PCLO: variants seen among roughly 807,000 people sequenced by gnomAD.
PCLO encodes the protein protein piccolo.
In PCLO, 82 loss-of-function variants were observed where a neutral mutation model predicts 427.5. That is an observed-to-expected ratio of 0.19 (90% CI 0.16 to 0.23). The LOEUF is 0.23. Ranked by LOEUF, PCLO falls within the 10% of genes least tolerant of loss-of-function variation. The pLI is 1.00. For synonymous variants in PCLO, 2,357 were observed against 2,155.4 expected (o/e 1.09, Z -2.59); for missense variants, 6,239 against 6,115.9 (o/e 1.02, Z -0.67).
chr7:83,047,682 T>G (rs1460096895), intron 3 of PCLO, among the ~76,000 whole-genome samples: 4 of 152,058 alleles, frequency 2.6e-5, no homozygotes, highest in Non-Finnish European at 5.9e-5. Flanking sequence ...CTTTATTAAA[T>G]TCATAAACAT....
intron 10 of PCLO, 67 bp downstream of exon 10, chr7:82,879,270 A>G (rs755144701): frequency 1.1e-4 from 151 of 1,342,366 alleles, no homozygotes; most frequent in Non-Finnish European, 1.4e-4. Context: ...ACATTTGCAT[A>G]TTAAATTAAA....
In PCLO at chr7:83,135,295, T is replaced by C. The variant is rs1242222853; in HGVS notation, c.2255A>G (p.Asp752Gly). 3 of 1,613,946 alleles carry C rather than the reference T, an allele frequency of 1.9e-6. No individual in the cohort carries two copies. Among genetic ancestry groups the C allele is most frequent in the East Asian group, 2.2e-5 (1 of 44,866 alleles). ...SEQDKAPVAD[D>G]KPKQPKMVKP... ...TACCATCTTGGGCTGCTTTGGTTTA[T>C]CATCAGCAACAGGGGCCTTGTCCTG... The change falls in exon 3 of 25, where the codon GAT becomes GGT. Residue 752 changes from aspartate (D) to glycine (G), a missense_variant. This residue lies in a region of PCLO where 4,677 missense variants were observed against 4,468.4 expected (regional missense o/e 1.05). Transcript: ENST00000333891.
chr7:82,968,801 G>C (rs1795838379), intron 3 of PCLO, among the ~76,000 whole-genome samples: 1 of 152,084 alleles, frequency 6.6e-6, no homozygotes, highest in Non-Finnish European at 1.5e-5. Flanking sequence ...TTACAGGCAT[G>C]AGCCACTGCG....
chr7:82,846,974 G>C (rs1471213767), intron 11 of PCLO, among the ~76,000 whole-genome samples, 165 bp downstream of exon 11: 1 of 152,114 alleles, frequency 6.6e-6, no homozygotes, highest in Non-Finnish European at 1.5e-5. Context: ...GACACAATCA[G>C]AAACTAAGTT....
intron 3 of PCLO, among the ~76,000 whole-genome samples, chr7:82,968,726 C>T (rs575123112): frequency 1.3e-5 from 2 of 151,896 alleles, no homozygotes; most frequent in South Asian, 4.1e-4. Flanking sequence ...CACCATGTTA[C>T]CTAGGATTGG....
chr7:83,034,607 T>A (rs1372512183), intron 3 of PCLO, among the ~76,000 whole-genome samples: 2 of 152,260 alleles, frequency 1.3e-5, no homozygotes, highest in Non-Finnish European at 2.9e-5. Flanking sequence ...CAAGGACTGC[T>A]TCTTCTAGCC....
intron 22 of PCLO, among the ~76,000 whole-genome samples, chr7:82,775,282 A>C (rs1282151552): frequency 6.6e-6 from 1 of 152,202 alleles, no homozygotes; most frequent in Non-Finnish European, 1.5e-5. Flanking sequence ...TCATATAGTA[A>C]GAGCATATTT....
intron 3 of PCLO, among the ~76,000 whole-genome samples, chr7:82,969,321 A>G (rs1417377945): frequency 3.3e-5 from 5 of 152,164 alleles, no homozygotes; most frequent in Admixed American, 3.3e-4. Context: ...GGTGATAACC[A>G]TTAAACTACT....
intron 3 of PCLO, among the ~76,000 whole-genome samples, chr7:83,099,029 T>C (rs1005194626): frequency 6.6e-6 from 1 of 152,004 alleles, no homozygotes; most frequent in East Asian, 1.9e-4. Flanking sequence ...GAAATACATC[T>C]GTAGGGTTAG....
chr7:82,964,491 A>G (rs1052501783), intron 4 of PCLO, among the ~76,000 whole-genome samples: 7 of 152,034 alleles, frequency 4.6e-5, no homozygotes, highest in African/African-American at 1.2e-4. Context: ...TGTAGCTCCC[A>G]TAGGAGGAAC....
intron 20 of PCLO, chr7:82,821,097 G>A: frequency 2.8e-6 from 3 of 1,070,646 alleles, no homozygotes. Flanking sequence ...CTTTGAACAG[G>A]GCCTTTCTGC....
At chr7:83,093,492 A>ATTTTTTTTT (rs1169852004) in intron 3 of PCLO, among the ~76,000 whole-genome samples, 21 of 59,310 alleles carry the variant, frequency 3.5e-4, no homozygotes, top group Non-Finnish European at 6.5e-4. Context: ...ATATATATAT[A>ATTTTTTTTT]TTTTTTTTTT....
chr7:83,031,640 T>C (rs1045900926), intron 3 of PCLO, among the ~76,000 whole-genome samples: 6 of 152,100 alleles, frequency 3.9e-5, no homozygotes, highest in East Asian at 1.9e-4. Context: ...CCTGTAATGA[T>C]TGACTTTCTT....
At chr7:82,828,717 T>C (rs1792013944) in intron 16 of PCLO, among the ~76,000 whole-genome samples, 1 of 152,154 alleles carries the variant, frequency 6.6e-6, no homozygotes, top group East Asian at 1.9e-4. Flanking sequence ...GCAGAACATC[T>C]ATAGCTGGCA....
chr7:83,099,708 T>G (rs12531277), intron 3 of PCLO, among the ~76,000 whole-genome samples: 69,794 of 151,964 alleles, frequency 0.46, 16,447 homozygotes, highest in East Asian at 0.71. Context: ...AGTAGATTTT[T>G]TAAAGTATCT....
intron 16 of PCLO, among the ~76,000 whole-genome samples, chr7:82,828,975 A>G (rs1413815328): frequency 6.6e-6 from 1 of 152,126 alleles, no homozygotes; most frequent in African/African-American, 2.4e-5. Flanking sequence ...AGGGGGCTGG[A>G]CCCTGACTCT....
At chr7:83,090,737 T>C (rs1299083991) in intron 3 of PCLO, among the ~76,000 whole-genome samples, 3 of 152,170 alleles carry the variant, frequency 2.0e-5, no homozygotes, top group African/African-American at 7.2e-5. Flanking sequence ...TCTAAATATA[T>C]ATTTTTAAAT....
chr7:83,008,600 A>C (rs41586), intron 3 of PCLO, among the ~76,000 whole-genome samples: 42,770 of 151,510 alleles, frequency 0.28, 6,505 homozygotes, highest in Middle Eastern at 0.45. Context: ...ACCAACATCT[A>C]ATGTTTCCTA....
intron 10 of PCLO, among the ~76,000 whole-genome samples, chr7:82,868,495 G>C (rs1490834408): frequency 2.0e-5 from 3 of 152,192 alleles, no homozygotes; most frequent in Non-Finnish European, 4.4e-5. Flanking sequence ...GAGCAAGCTA[G>C]CTGGACCAAT....
Sources: allele counts gnomAD v4.1 joint callset (sites outside exome capture counted in the v4.1 genomes callset), GRCh38; gene constraint gnomAD v4.1.1; regional missense constraint gnomAD v4.1.1; transcripts MANE v1.5; gene names NCBI Gene and HGNC (gene_info 2026-07-23, HGNC 2026-07-21).